The following TM9SF2 variants were observed in gnomAD, a reference collection of about 807,000 sequenced individuals.
The protein encoded by TM9SF2 is transmembrane 9 superfamily member 2.
A neutral mutation model predicts 84.9 loss-of-function variants in TM9SF2; 13 were observed. That is an observed-to-expected ratio of 0.15 (90% CI 0.10 to 0.24). The LOEUF (loss-of-function observed/expected upper bound fraction) is 0.24. TM9SF2 is among the 10% of genes least tolerant of loss of function. The pLI, the probability that TM9SF2 is intolerant of heterozygous loss-of-function variation, is 1.00. For synonymous variants in TM9SF2, 273 were observed against 285.8 expected, an observed-to-expected ratio of 0.96 and a Z score of 0.45; for missense variants, 562 against 818.5, an observed-to-expected ratio of 0.69 and a Z score of 3.82.
intron 15 of TM9SF2, among the ~76,000 whole-genome samples, chr13:99,557,777 G>A (rs2046330225): frequency 6.6e-6 from 1 of 151,236 alleles, no homozygotes; most frequent in Non-Finnish European, 1.5e-5. Flanking sequence ...TGAGGTGGAA[G>A]GATCACTTGA....
intron 1 of TM9SF2, among the ~76,000 whole-genome samples, chr13:99,511,543 C>T (rs981544696): frequency 1.3e-5 from 2 of 152,078 alleles, no homozygotes; most frequent in Non-Finnish European, 2.9e-5. Flanking sequence ...TTGTAAATGG[C>T]TGTATTCTAT....
chr13:99,543,856 C>G lies in TM9SF2; in HGVS notation c.1018-7C>G. The G allele has an allele frequency of 6.2e-7, 1 of 1,613,608 alleles. No homozygotes were observed. Among genetic ancestry groups the G allele is most frequent in the Non-Finnish European group, 8.5e-7 (1 of 1,179,762 alleles). ...AGACAATCGAACTGATTTCATTCCC[C>G]TTTTAGGAAGATGCCCAGGAAGAAT... On this transcript the variant is annotated splice_region_variant and splice_polypyrimidine_tract_variant and intron_variant, in intron 9 of 16. Coordinates refer to ENST00000376387, the MANE Select transcript of TM9SF2 (RefSeq NM_004800.3).
intron 3 of TM9SF2, among the ~76,000 whole-genome samples, chr13:99,525,298 G>A (rs1034348430): frequency 2.0e-5 from 3 of 152,154 alleles, no homozygotes; most frequent in Admixed American, 1.3e-4. Flanking sequence ...CTTGAGTGCA[G>A]TGTTGTGATC....
In TM9SF2 at chr13:99,563,027, T is replaced by TA. The variant is rs1447719306; in HGVS notation, c.*270dup. 8 of 290,802 alleles carry TA rather than the reference T, an allele frequency of 2.8e-5. No individual in the cohort carries two copies. The highest frequency in any genetic ancestry group is 1.8e-4 in the African/African-American group (8 of 45,690). 18.0% of individuals were successfully genotyped at this position (290,802 alleles called of 1,614,324 possible). A position where few individuals can be genotyped will look rare whatever the true frequency, so the allele number is the denominator to read the frequency against. ...TTTAAATATTATGTGCATTTGTAAA[T>TA]ACAGTAGCTATAAAATTTTCCATAC... On this transcript the variant is annotated 3_prime_UTR_variant, in exon 17 of 17. Coordinates refer to ENST00000376387, the MANE Select transcript of TM9SF2 (RefSeq NM_004800.3).
Position 99,525,338 on chromosome 13 carries a change from C to G in TM9SF2, c.334-4129C>G, listed in dbSNP as rs935843029. Reference sequence around the variant, plus strand: ...CTCACTGCAACCTCCACCTCCGAGGCTCCAGTGCTTCTCTTGCCTTAGCCT... The same window carrying G: ...CTCACTGCAACCTCCACCTCCGAGGGTCCAGTGCTTCTCTTGCCTTAGCCT... On this transcript the variant is annotated intron_variant, in intron 3 of 16. Transcript: ENST00000376387. 3.3e-5 allele frequency among the ~76,000 whole-genome samples: 5 copies of G among 152,036 alleles called. 1 individual carries two copies. Among genetic ancestry groups the G allele is most frequent in the Non-Finnish European group, 2.9e-5 (2 of 68,018 alleles).
In TM9SF2 at chr13:99,552,149, G is replaced by A. The variant is rs1198121022; in HGVS notation, c.1329-18G>A. ...TTGTTATCTCTGGTTTTACCCAAAA[G>A]CCTGTTGTGTCTTTCAGGATTGTAT... is the stretch of plus-strand genomic sequence containing the variant. On this transcript the variant is annotated intron_variant, in intron 12 of 16. Coordinates refer to ENST00000376387, the MANE Select transcript of TM9SF2 (RefSeq NM_004800.3). 1.9e-6 allele frequency: 3 copies of A among 1,608,792 alleles called. No homozygotes were observed. Among genetic ancestry groups the A allele is most frequent in the Non-Finnish European group, 1.7e-6 (2 of 1,177,746 alleles).
intron 1 of TM9SF2, among the ~76,000 whole-genome samples, chr13:99,505,767 T>TAGTGTG (rs1017892513): frequency 1.3e-5 from 2 of 152,360 alleles, no homozygotes; most frequent in African/African-American, 4.8e-5. Flanking sequence ...AATCAAATCT[T>TAGTGTG]AGTGTGCCGA....
intron 16 of TM9SF2, among the ~76,000 whole-genome samples, chr13:99,560,929 C>T (rs559396034): frequency 3.9e-5 from 6 of 152,280 alleles, no homozygotes; most frequent in African/African-American, 1.2e-4. Context: ...ACGATCTGCC[C>T]GCCTTGGCCT....
intron 12 of TM9SF2, among the ~76,000 whole-genome samples, chr13:99,549,917 A>G (rs1027714195): frequency 3.3e-5 from 5 of 152,222 alleles, no homozygotes; most frequent in African/African-American, 1.2e-4. Context: ...ATTTTAATAC[A>G]CATTTGGGAT....
intron 4 of TM9SF2, among the ~76,000 whole-genome samples, chr13:99,536,030 G>A (rs1181341985): frequency 6.6e-5 from 10 of 151,920 alleles, no homozygotes; most frequent in Non-Finnish European, 1.3e-4. Context: ...TTAGTTTAAT[G>A]TTTTCCTATA....
intron 1 of TM9SF2, among the ~76,000 whole-genome samples, chr13:99,515,589 G>A (rs7318273): frequency 0.025 from 3,770 of 152,194 alleles, 162 homozygotes; most frequent in African/African-American, 0.086. Context: ...GCATTTTAGT[G>A]GATGAACACT....
chr13:99,546,181 T>G (rs1343700816), intron 10 of TM9SF2, among the ~76,000 whole-genome samples: 1 of 152,130 alleles, frequency 6.6e-6, no homozygotes, highest in African/African-American at 2.4e-5. Context: ...CTCACATACG[T>G]GCTTGGTCAT....
intron 14 of TM9SF2, 71 bp from the exon 15 acceptor site, chr13:99,555,465 G>T: frequency 1.7e-6 from 2 of 1,169,020 alleles, no homozygotes; most frequent in Admixed American, 4.1e-5. Flanking sequence ...CAAGAAGAAT[G>T]AAAAGATTGT....
At chr13:99,555,473 T>C in intron 14 of TM9SF2, 63 bp from the exon 15 acceptor site, 2 of 1,208,694 alleles carry the variant, frequency 1.7e-6, no homozygotes, top group Non-Finnish European at 2.4e-6. Context: ...ATGAAAAGAT[T>C]GTGTTATGTA....
intron 9 of TM9SF2, among the ~76,000 whole-genome samples, chr13:99,542,979 C>CT (rs2046267283): frequency 6.6e-6 from 1 of 152,154 alleles, no homozygotes; most frequent in Admixed American, 6.5e-5. Context: ...GAGTCAGAGG[C>CT]TTTACAGTGG....
At chr13:99,553,813 C>T (rs908459543) in intron 13 of TM9SF2, among the ~76,000 whole-genome samples, 2 of 152,102 alleles carry the variant, frequency 1.3e-5, no homozygotes, top group Admixed American at 1.3e-4. Flanking sequence ...TCCTTATGGT[C>T]GTAAAGCTTC....
At chr13:99,524,001 A>G (rs2046171315) in intron 3 of TM9SF2, among the ~76,000 whole-genome samples, 1 of 152,190 alleles carries the variant, frequency 6.6e-6, no homozygotes, top group South Asian at 2.1e-4. Flanking sequence ...CTAGCTGAAG[A>G]GAGGCCCCAA....
At chr13:99,535,558 A>T (rs1368540105) in intron 4 of TM9SF2, among the ~76,000 whole-genome samples, 3 of 152,214 alleles carry the variant, frequency 2.0e-5, no homozygotes, top group African/African-American at 7.2e-5. Context: ...TGATTATAAT[A>T]ATAAGCAGTT....
chr13:99,535,042 C>T (rs532183263), intron 4 of TM9SF2, among the ~76,000 whole-genome samples: 286 of 152,146 alleles, frequency 1.9e-3, no homozygotes, highest in Non-Finnish European at 3.2e-3. Flanking sequence ...GTCCCAGCTA[C>T]TTGGGAGGCA....
Sources: gnomAD v4.1 joint callset for allele counts (sites outside exome capture counted in the v4.1 genomes callset) on GRCh38, gnomAD v4.1.1 for gene constraint, MANE v1.5 for transcripts, NCBI Gene and HGNC (gene_info 2026-07-23, HGNC 2026-07-21) for gene names.